Variants in FCHO2 observed in about 807,000 individuals in gnomAD.
FCHO2 encodes FCH and mu domain containing endocytic adaptor 2.
Under a neutral mutation model 114.1 loss-of-function variants are expected in FCHO2, and 43 were observed. The ratio of observed to expected loss-of-function variants is 0.38; its 90% confidence interval spans 0.30 to 0.49. FCHO2 has a LOEUF of 0.49. Ranked by LOEUF, FCHO2 falls within the 20% of genes least tolerant of loss-of-function variation. The pLI, the probability that FCHO2 is intolerant of heterozygous loss-of-function variation, is 0.97. For synonymous variants in FCHO2, 293 were observed against 315.2 expected, an observed-to-expected ratio of 0.93 and a Z score of 0.75; for missense variants, 807 against 950.4, an observed-to-expected ratio of 0.85 and a Z score of 1.98.
intron 1 of FCHO2, among the ~76,000 whole-genome samples, chr5:72,965,544 A>G (rs1190868182): frequency 6.6e-6 from 1 of 152,234 alleles, no homozygotes; most frequent in Non-Finnish European, 1.5e-5. Context: ...AAAAGAAAGT[A>G]CAGTAAAATG....
rs72764832 is a variant in FCHO2 at position 72,966,199 on chromosome 5, G to A, written c.34-2299G>A. On this transcript the variant is annotated intron_variant, in intron 1 of 25. Coordinates refer to ENST00000430046, the MANE Select transcript of FCHO2 (RefSeq NM_138782.3). Reference sequence around the variant, plus strand: ...GGGAGACTGGCTTGAGCAACATAGCGAGACCCTGTTTCTACATAAACTTTT... The same window carrying A: ...GGGAGACTGGCTTGAGCAACATAGCAAGACCCTGTTTCTACATAAACTTTT... 2.9e-3 allele frequency among the ~76,000 whole-genome samples: 446 copies of A among 152,286 alleles called. 8 individuals are homozygous for A. The South Asian group carries it at 0.03, about 10-fold the overall frequency.
intron 11 of FCHO2, among the ~76,000 whole-genome samples, chr5:73,047,770 A>G (rs1423469387): frequency 1.3e-5 from 2 of 152,126 alleles, no homozygotes; most frequent in Admixed American, 6.6e-5. Context: ...TACAATGTAA[A>G]TGGATATTGT....
chr5:73,030,712 T>C (rs1756191217), intron 8 of FCHO2, among the ~76,000 whole-genome samples: 1 of 152,224 alleles, frequency 6.6e-6, no homozygotes, highest in African/African-American at 2.4e-5. Context: ...ACCTTCTGAA[T>C]AGAACACTGT....
rs114060232 is a variant in FCHO2 at position 72,996,726 on chromosome 5, C to T, written c.495+5862C>T. On this transcript the variant is annotated intron_variant, in intron 5 of 25. Transcript: ENST00000430046. ...TGCCAACGCCTGTCCGCCAGCTCCCCGTTCCGCTGGGCTTTCCAAAACCTC... is the reference window on the plus strand; with the variant it reads ...TGCCAACGCCTGTCCGCCAGCTCCCTGTTCCGCTGGGCTTTCCAAAACCTC... 7.0e-3 allele frequency among the ~76,000 whole-genome samples: 1,059 copies of T among 152,342 alleles called. 23 individuals are homozygous for T. Among genetic ancestry groups the T allele is most frequent in the African/African-American group, 0.024 (1,005 of 41,578 alleles).
chr5:73,022,103 A>AT (rs1438093725), intron 8 of FCHO2, among the ~76,000 whole-genome samples: 1 of 152,188 alleles, frequency 6.6e-6, no homozygotes, highest in African/African-American at 2.4e-5. Flanking sequence ...CTTTGGAAAA[A>AT]TTAGACTAGA....
At chr5:73,034,825 A>G in intron 9 of FCHO2, 124 bp downstream of exon 9, 1 of 672,160 alleles carries the variant, frequency 1.5e-6, no homozygotes, top group Non-Finnish European at 2.3e-6. Flanking sequence ...GGAATGCTGT[A>G]AAAATCTGAA....
intron 11 of FCHO2, among the ~76,000 whole-genome samples, chr5:73,043,943 G>T (rs1340598146): frequency 1.3e-5 from 2 of 152,146 alleles, no homozygotes; most frequent in East Asian, 3.8e-4. Context: ...TTGTCAAATT[G>T]TAATCCCCAG....
At chr5:73,017,809 C>G (rs1755386777) in intron 8 of FCHO2, among the ~76,000 whole-genome samples, 1 of 151,962 alleles carries the variant, frequency 6.6e-6, no homozygotes, top group Non-Finnish European at 1.5e-5. Context: ...TAACAATATA[C>G]CAGACCCCAT....
At chr5:73,041,384 T>C in intron 11 of FCHO2, 69 bp downstream of exon 11, 1 of 916,472 alleles carries the variant, frequency 1.1e-6, no homozygotes, top group South Asian at 1.6e-5. Context: ...CCTAACACAT[T>C]TGAGTTGAGT....
intron 1 of FCHO2, among the ~76,000 whole-genome samples, chr5:72,961,130 A>G (rs1400079825): frequency 6.6e-6 from 1 of 152,122 alleles, no homozygotes; most frequent in African/African-American, 2.4e-5. Context: ...TTGATTTATC[A>G]TTACTTGGAT....
At chr5:72,996,824 T>C (rs567022886) in intron 5 of FCHO2, 3 of 820,358 alleles carry the variant, frequency 3.7e-6, no homozygotes, top group South Asian at 3.1e-5. Flanking sequence ...AGGGCTGCCG[T>C]TCCCCCTCCC....
chr5:73,030,023 TTTC>T (rs1580132201), intron 8 of FCHO2, among the ~76,000 whole-genome samples: 1 of 150,970 alleles, frequency 6.6e-6, no homozygotes, highest in Non-Finnish European at 1.5e-5. Flanking sequence ...CAGAAATTGA[TTTC>T]TTTTCTTTCT....
intron 2 of FCHO2, among the ~76,000 whole-genome samples, chr5:72,974,656 G>A (rs560506714): frequency 6.6e-6 from 1 of 151,892 alleles, no homozygotes; most frequent in Non-Finnish European, 1.5e-5. Context: ...ACTCTTTATC[G>A]AGTTTGCCAG....
intron 6 of FCHO2, among the ~76,000 whole-genome samples, chr5:73,007,804 A>G (rs999603092): frequency 5.9e-5 from 9 of 152,224 alleles, no homozygotes; most frequent in African/African-American, 1.7e-4. Context: ...ATAAATTATT[A>G]TAAGTATTGC....
At chr5:73,024,733 G>A (rs146048935) in intron 8 of FCHO2, among the ~76,000 whole-genome samples, 123 of 152,080 alleles carry the variant, frequency 8.1e-4, no homozygotes, top group African/African-American at 2.9e-3. Flanking sequence ...CACCGCCCGC[G>A]GCCTAGCAGT....
chr5:73,025,192 CAT>C (rs1431286020), intron 8 of FCHO2, among the ~76,000 whole-genome samples: 2 of 151,868 alleles, frequency 1.3e-5, no homozygotes, highest in Non-Finnish European at 2.9e-5. Flanking sequence ...GCAGCTTTTT[CAT>C]ATGTTTTTGT....
intron 18 of FCHO2, among the ~76,000 whole-genome samples, chr5:73,067,039 A>G (rs1249350304): frequency 6.6e-6 from 1 of 152,048 alleles, no homozygotes; most frequent in Non-Finnish European, 1.5e-5. Flanking sequence ...CAATATGAAA[A>G]TTAATGAGAT....
At chr5:73,079,861 C>T (rs969638993) in intron 22 of FCHO2, among the ~76,000 whole-genome samples, 1 of 152,062 alleles carries the variant, frequency 6.6e-6, no homozygotes, top group Non-Finnish European at 1.5e-5. Context: ...TGGAACCCAC[C>T]CTCCCAAGTA....
intron 6 of FCHO2, among the ~76,000 whole-genome samples, chr5:73,014,800 C>T (rs928912500): frequency 2.0e-5 from 3 of 151,854 alleles, no homozygotes; most frequent in Admixed American, 1.3e-4. Flanking sequence ...CCAAATTCGG[C>T]TGGGTGCGGT....
Sources: gnomAD v4.1 joint callset for allele counts (sites outside exome capture counted in the v4.1 genomes callset) on GRCh38, gnomAD v4.1.1 for gene constraint, MANE v1.5 for transcripts, NCBI Gene and HGNC (gene_info 2026-07-23, HGNC 2026-07-21) for gene names.